Variants in INVS observed in about 807,000 individuals in gnomAD.
The protein encoded by INVS is inversin, also known as inversion of embryo turning homolog.
INVS carries 86 observed loss-of-function variants against 108.8 expected under a neutral mutation model. That is an observed-to-expected ratio of 0.79 (90% CI 0.66 to 0.95). INVS has a LOEUF of 0.95. Ranked by LOEUF, INVS falls within the 40% of genes least tolerant of loss-of-function variation. INVS has a pLI of 0.00. For synonymous variants in INVS, 455 were observed against 473.5 expected, an observed-to-expected ratio of 0.96 and a Z score of 0.51; for missense variants, 1,169 against 1,297.4, an observed-to-expected ratio of 0.90 and a Z score of 1.52.
intron 3 of INVS, among the ~76,000 whole-genome samples, chr9:100,188,630 T>C (rs1374234089): frequency 6.9e-6 from 1 of 145,472 alleles, no homozygotes; most frequent in African/African-American, 2.7e-5. Flanking sequence ...GTCTGTAGTT[T>C]CTTTCTTTTT....
intron 3 of INVS, among the ~76,000 whole-genome samples, chr9:100,147,484 C>G (rs1472132476): frequency 6.6e-6 from 1 of 152,140 alleles, no homozygotes; most frequent in Non-Finnish European, 1.5e-5. Context: ...TCACCTATTG[C>G]CTCATTGTGT....
intron 3 of INVS, among the ~76,000 whole-genome samples, chr9:100,137,590 T>C (rs1828268432): frequency 6.6e-6 from 1 of 152,136 alleles, no homozygotes; most frequent in Non-Finnish European, 1.5e-5. Flanking sequence ...TTTAACTCTC[T>C]AAGCCTCTGT....
At chr9:100,149,905 T>A (rs1266579586) in intron 3 of INVS, among the ~76,000 whole-genome samples, 1 of 152,204 alleles carries the variant, frequency 6.6e-6, no homozygotes, top group African/African-American at 2.4e-5. Flanking sequence ...TTCTTCAAGG[T>A]CACCTTGTCA....
At chr9:100,194,450 G>T (rs887843605) in intron 3 of INVS, among the ~76,000 whole-genome samples, 1 of 151,674 alleles carries the variant, frequency 6.6e-6, no homozygotes, top group East Asian at 1.9e-4. Flanking sequence ...TCGTTTCATA[G>T]ATTTTTTAGT....
At chr9:100,213,201 G>GT (rs928288900) in intron 3 of INVS, among the ~76,000 whole-genome samples, 2 of 69,880 alleles carry the variant, frequency 2.9e-5, no homozygotes, top group Non-Finnish European at 9.0e-5. Flanking sequence ...CACATGAATT[G>GT]GGGGGGTTTG....
At chr9:100,260,531 G>T (rs1287024730) in intron 10 of INVS, among the ~76,000 whole-genome samples, 1 of 152,114 alleles carries the variant, frequency 6.6e-6, no homozygotes, top group African/African-American at 2.4e-5. Context: ...ACTTAAAATT[G>T]TCACCGTTTT....
chr9:100,136,994 C>T (rs1196023020), intron 3 of INVS, among the ~76,000 whole-genome samples: 2 of 151,964 alleles, frequency 1.3e-5, no homozygotes, highest in Non-Finnish European at 2.9e-5. Flanking sequence ...GAGCCGTGAT[C>T]GCGCCACTGT....
At chr9:100,167,302 G>T (rs888551833) in intron 3 of INVS, among the ~76,000 whole-genome samples, 3 of 151,812 alleles carry the variant, frequency 2.0e-5, no homozygotes, top group Admixed American at 6.6e-5. Flanking sequence ...TTTATTTCAT[G>T]TTCTGAATTC....
intron 5 of INVS, among the ~76,000 whole-genome samples, chr9:100,230,526 TA>T (rs1831474848): frequency 3.3e-5 from 5 of 152,186 alleles, no homozygotes; most frequent in African/African-American, 1.2e-4. Context: ...TATTTTATTT[TA>T]TTTTATTTTG....
intron 3 of INVS, among the ~76,000 whole-genome samples, chr9:100,199,863 A>T (rs1588083765): frequency 6.6e-6 from 1 of 152,154 alleles, no homozygotes; most frequent in Non-Finnish European, 1.5e-5. Context: ...TTTTTACCAA[A>T]TTTAAATCAT....
chr9:100,225,269 C>CA (rs941009532), intron 3 of INVS, among the ~76,000 whole-genome samples: 6 of 147,214 alleles, frequency 4.1e-5, no homozygotes, highest in African/African-American at 1.3e-4. Context: ...AGGATGGTCT[C>CA]AATCTCCTGA....
chr9:100,263,222 GATTAT>G (rs1404251657), intron 10 of INVS, among the ~76,000 whole-genome samples: 1 of 151,360 alleles, frequency 6.6e-6, no homozygotes, highest in Non-Finnish European at 1.5e-5. Context: ...TTTTTAAATT[GATTAT>G]ATTAGTTATG....
intron 3 of INVS, among the ~76,000 whole-genome samples, chr9:100,170,860 A>G (rs1488529843): frequency 2.0e-5 from 3 of 152,206 alleles, no homozygotes; most frequent in Admixed American, 6.5e-5. Flanking sequence ...AGAAGTTCAT[A>G]GTTTAATGGG....
intron 2 of INVS, among the ~76,000 whole-genome samples, chr9:100,113,032 A>G (rs1827392137): frequency 6.6e-6 from 1 of 152,250 alleles, no homozygotes; most frequent in Admixed American, 6.5e-5. Flanking sequence ...GACTAGTCTC[A>G]TTATGGCATA....
rs1291114022 is a variant in INVS at position 100,139,858 on chromosome 9, G to T, written c.273+13309G>T. Among the ~76,000 whole-genome samples, 3 of 152,254 alleles carry T rather than the reference G, an allele frequency of 2.0e-5. No homozygotes were observed. In the East Asian group the frequency reaches 5.8e-4, roughly 29 times the overall value. ...GGGTTTCGCCTTATTGCCTGGGCTG[G>T]TCTCAAACTCCTGAGCTCAAGCTAT... is the stretch of plus-strand genomic sequence containing the variant. On this transcript the variant is annotated intron_variant, in intron 3 of 16. Transcript: ENST00000262457.
chr9:100,231,042 A>G (rs144421057), intron 5 of INVS, among the ~76,000 whole-genome samples: 71 of 152,248 alleles, frequency 4.7e-4, no homozygotes, highest in African/African-American at 1.6e-3. Context: ...TGCAGTTGAT[A>G]TTTTTGATCA....
chr9:100,261,979 A>C (rs776859362), intron 10 of INVS, among the ~76,000 whole-genome samples: 1 of 151,832 alleles, frequency 6.6e-6, no homozygotes, highest in Non-Finnish European at 1.5e-5. Context: ...CTATTTATGC[A>C]TTTATCAACA....
chr9:100,248,382 T>G (rs1330304920), intron 8 of INVS, among the ~76,000 whole-genome samples: 1 of 152,178 alleles, frequency 6.6e-6, no homozygotes, highest in East Asian at 1.9e-4. Context: ...TGCTGGTTTC[T>G]TTCTTCAATG....
At chr9:100,176,419 T>C (rs1829712207) in intron 3 of INVS, among the ~76,000 whole-genome samples, 2 of 152,180 alleles carry the variant, frequency 1.3e-5, no homozygotes, top group African/African-American at 4.8e-5. Context: ...AAAGTACAAA[T>C]TGATGTGGTG....
Sources: gnomAD v4.1 joint callset for allele counts (sites outside exome capture counted in the v4.1 genomes callset) on GRCh38, gnomAD v4.1.1 for gene constraint, MANE v1.5 for transcripts, NCBI Gene and HGNC (gene_info 2026-07-23, HGNC 2026-07-21) for gene names.